Variants in MECOM observed in about 807,000 individuals in gnomAD.
MECOM encodes the protein histone-lysine N-methyltransferase MECOM.
A neutral mutation model predicts 116.3 loss-of-function variants in MECOM; 13 were observed. That is an observed-to-expected ratio of 0.11 (90% confidence interval 0.07 to 0.18). The LOEUF is 0.18. Among genes scored for constraint, MECOM ranks in the 10% least tolerant of loss-of-function variants. The pLI is 1.00. For missense variants in MECOM, 1,299 were observed against 1,509.0 expected (o/e 0.86, Z 2.31); for synonymous variants, 528 against 535.2 (o/e 0.99, Z 0.19).
At chr3:169,204,548 C>T (rs1046905599) in intron 2 of MECOM, among the ~76,000 whole-genome samples, 3 of 152,170 alleles carry the variant, frequency 2.0e-5, no homozygotes, top group Non-Finnish European at 4.4e-5. Context: ...AACTGTGTCT[C>T]TTAATCTATA....
At chr3:169,626,019 T>G (rs1309481127) in intron 1 of MECOM, among the ~76,000 whole-genome samples, 4 of 152,240 alleles carry the variant, frequency 2.6e-5, no homozygotes, top group Non-Finnish European at 5.9e-5. Flanking sequence ...ATTTACCACT[T>G]TTATTTCCAA....
At position 169,116,511 on chromosome 3, in the gene MECOM, G is replaced by T. The variant is rs768521397; in HGVS notation, c.1361C>A (p.Thr454Lys). 25 of 1,614,034 alleles carry T rather than the reference G, an allele frequency of 1.5e-5. No homozygotes were observed. Among genetic ancestry groups the T allele is most frequent in the Admixed American group, 3.3e-5 (2 of 59,998 alleles). ...SLPGTPAMDK[T>K]SMVNMSHANP... Reference sequence around the variant, plus strand: ...GGCATGACTCATATTAACCATGGACGTTTTATCCATAGCTGGGGTTCCAGG... The same window carrying T: ...GGCATGACTCATATTAACCATGGACTTTTTATCCATAGCTGGGGTTCCAGG... Residue 454 changes from threonine (T) to lysine (K), a missense_variant, in exon 8 of 17, where the codon ACG becomes AAG. Thr to Lys is a moderately conservative substitution (Grantham distance 78). Around this residue, in one of 6 missense-constraint regions of MECOM, gnomAD observed 238 missense variants for 273.1 expected, o/e 0.87. Transcript: ENST00000651503.
intron 14 of MECOM, 23 bp from the exon 15 acceptor site, chr3:169,090,259 A>T (rs1719250481): frequency 1.3e-6 from 2 of 1,573,390 alleles, no homozygotes; most frequent in Non-Finnish European, 8.6e-7. Flanking sequence ...TTAAAAAAAA[A>T]GTCCAATTGT....
chr3:169,484,928 A>G (rs1437894379), intron 1 of MECOM, among the ~76,000 whole-genome samples: 1 of 152,176 alleles, frequency 6.6e-6, no homozygotes, highest in Non-Finnish European at 1.5e-5. Flanking sequence ...AGCTTTGCCT[A>G]TTAACGGGGC....
chr3:169,565,662 A>C (rs1354695246), intron 1 of MECOM, among the ~76,000 whole-genome samples: 1 of 152,180 alleles, frequency 6.6e-6, no homozygotes, highest in Admixed American at 6.5e-5. Flanking sequence ...AAGTCCCAGG[A>C]CTTTGCAGGA....
At chr3:169,575,157 A>G (rs1041944341) in intron 1 of MECOM, among the ~76,000 whole-genome samples, 1 of 152,188 alleles carries the variant, frequency 6.6e-6, no homozygotes, top group Non-Finnish European at 1.5e-5. Context: ...TCTCGAATAG[A>G]ACCTTCAAAC....
intron 3 of MECOM, among the ~76,000 whole-genome samples, chr3:169,136,960 A>G (rs1736545393): frequency 1.3e-5 from 2 of 152,130 alleles, no homozygotes; most frequent in South Asian, 4.1e-4. Context: ...CAACCTATGC[A>G]GGAAGTTGTA....
chr3:169,191,721 A>AAG (rs1252489054), intron 2 of MECOM, among the ~76,000 whole-genome samples: 1 of 58,216 alleles, frequency 1.7e-5, no homozygotes, highest in Non-Finnish European at 3.7e-5. Flanking sequence ...AGAAAGAAAA[A>AAG]AAGAAAGAAA....
intron 1 of MECOM, among the ~76,000 whole-genome samples, chr3:169,515,129 C>T (rs1399116240): frequency 6.6e-6 from 1 of 152,162 alleles, no homozygotes; most frequent in Admixed American, 6.5e-5. Context: ...TCCAGCCTCA[C>T]CTTTCATTTC....
chr3:169,378,877 T>C (rs1731902222), intron 2 of MECOM, among the ~76,000 whole-genome samples: 1 of 152,062 alleles, frequency 6.6e-6, no homozygotes, highest in South Asian at 2.1e-4. Flanking sequence ...AATAATTGTT[T>C]GCTGAACATG....
intron 1 of MECOM, among the ~76,000 whole-genome samples, chr3:169,467,986 G>T (rs1017422341): frequency 2.0e-5 from 3 of 152,092 alleles, no homozygotes; most frequent in Non-Finnish European, 2.9e-5. Flanking sequence ...AGGCTCTGTG[G>T]TTACTTTTCT....
intron 2 of MECOM, among the ~76,000 whole-genome samples, chr3:169,220,833 G>A (rs1752044959): frequency 1.3e-5 from 2 of 152,094 alleles, no homozygotes; most frequent in Non-Finnish European, 2.9e-5. Flanking sequence ...AGAAGAGAAA[G>A]ACCATAAGGG....
chr3:169,607,472 A>G (rs1768735318), intron 1 of MECOM, among the ~76,000 whole-genome samples: 1 of 152,278 alleles, frequency 6.6e-6, no homozygotes, highest in South Asian at 2.1e-4. Context: ...TTATTAAAAT[A>G]CCACTACAAA....
At chr3:169,612,406 A>G (rs541596647) in intron 1 of MECOM, among the ~76,000 whole-genome samples, 18 of 152,288 alleles carry the variant, frequency 1.2e-4, no homozygotes, top group African/African-American at 4.1e-4. Context: ...AGACTAACTA[A>G]AATGTCTCAC....
At chr3:169,336,107 A>G (rs1328532726) in intron 2 of MECOM, among the ~76,000 whole-genome samples, 1 of 152,136 alleles carries the variant, frequency 6.6e-6, no homozygotes, top group Non-Finnish European at 1.5e-5. Flanking sequence ...TATATAAAAT[A>G]GTAATTGTGG....
Position 169,100,909 on chromosome 3 carries a change from G to A in MECOM, c.2825C>T (p.Thr942Ile). Residue 942 changes from threonine (T) to isoleucine (I), a missense_variant, in exon 12 of 17, where the codon ACC (threonine) becomes ATC (isoleucine). Thr to Ile is a moderately conservative substitution (Grantham distance 89, BLOSUM62 -1). Coordinates refer to ENST00000651503, the MANE Select transcript of MECOM (RefSeq NM_004991.4). The part of the protein sequence containing the change: ...RSANLTRHLR[T>I]HTGEQPYRCK... ...CCTGTAAGGCTGCTCTCCTGTGTGG[G>A]TTCTCAAGTGCCGTGTTAGGTTTGC... is the stretch of plus-strand genomic sequence containing the variant. 1.2e-6 allele frequency: 2 copies of A among 1,606,436 alleles called. No homozygotes were observed. The highest frequency in any genetic ancestry group is 1.1e-5 in the South Asian group (1 of 89,622).
intron 1 of MECOM, chr3:169,566,004 C>A (rs781463813): frequency 9.2e-6 from 4 of 435,100 alleles, no homozygotes; most frequent in Non-Finnish European, 1.8e-5. Context: ...AGGAAACTTA[C>A]AATTGTGGTG....
Position 169,605,259 on chromosome 3 carries a change from C to A in MECOM, c.37+58077G>T, listed in dbSNP as rs971790559. Among the ~76,000 whole-genome samples the A allele has an allele frequency of 7.8e-4, 119 of 152,168 alleles. 2 individuals carry two copies. The highest frequency in any genetic ancestry group is 1.8e-4 in the Non-Finnish European group (12 of 68,028). ...AGCACTGGACAGAACAAGTTTAGAT[C>A]CACCTCTGAAAAACAAACACTTTCA... On this transcript the variant is annotated intron_variant, in intron 1 of 16. Coordinates refer to ENST00000651503, the MANE Select transcript of MECOM (RefSeq NM_004991.4).
chr3:169,337,483 T>C (rs1221144672), intron 2 of MECOM, among the ~76,000 whole-genome samples: 1 of 152,088 alleles, frequency 6.6e-6, no homozygotes, highest in African/African-American at 2.4e-5. Flanking sequence ...TCTTTTTAAC[T>C]CAAAATGTCA....
Sources: gnomAD v4.1 joint callset for allele counts (sites outside exome capture counted in the v4.1 genomes callset) on GRCh38, gnomAD v4.1.1 for gene constraint, gnomAD v4.1.1 regional missense constraint, MANE v1.5 for transcripts, NCBI Gene and HGNC (gene_info 2026-07-23, HGNC 2026-07-21) for gene names.